IKZF1: variants seen among roughly 807,000 people sequenced by gnomAD.
The protein encoded by IKZF1 is DNA-binding protein Ikaros.
IKZF1 carries 10 observed loss-of-function variants against 51.7 expected under a neutral mutation model. The observed-to-expected ratio is 0.19, with a 90% confidence interval of 0.12 to 0.33. IKZF1 has a LOEUF of 0.33. Among genes scored for constraint, IKZF1 ranks in the 10% least tolerant of loss-of-function variants. The pLI is 1.00. For missense variants in IKZF1, 484 were observed against 707.5 expected, an observed-to-expected ratio of 0.68 and a Z score of 3.58; for synonymous variants, 280 against 282.3, an observed-to-expected ratio of 0.99 and a Z score of 0.08.
chr7:50,355,526 C>T (rs1009075401), intron 3 of IKZF1, among the ~76,000 whole-genome samples: 2 of 152,100 alleles, frequency 1.3e-5, no homozygotes, highest in African/African-American at 4.8e-5. Flanking sequence ...CACTGGGCTG[C>T]GTGCTAAGAG....
chr7:50,398,821 C>T (rs1397489867), intron 7 of IKZF1, among the ~76,000 whole-genome samples: 9 of 152,360 alleles, frequency 5.9e-5, no homozygotes, highest in African/African-American at 2.2e-4. Context: ...CAGAACACAG[C>T]CGCAGTCTTG....
At chr7:50,336,253 C>T (rs966580496) in intron 3 of IKZF1, among the ~76,000 whole-genome samples, 7 of 147,726 alleles carry the variant, frequency 4.7e-5, no homozygotes, top group South Asian at 4.3e-4. Flanking sequence ...CTGGCCCCGG[C>T]GGGGGCAGGG....
intron 3 of IKZF1, among the ~76,000 whole-genome samples, chr7:50,355,385 G>A (rs996523839): frequency 1.3e-5 from 2 of 152,204 alleles, no homozygotes; most frequent in East Asian, 3.8e-4. Flanking sequence ...TCATGTATAA[G>A]GATGGGTTGG....
rs1369804784 is a variant in IKZF1, at chr7:50,401,983, G to A, written c.*1356G>A. On this transcript the variant is annotated 3_prime_UTR_variant, in exon 8 of 8. Coordinates refer to ENST00000331340, the MANE Select transcript of IKZF1 (RefSeq NM_006060.6). The stretch of plus-strand genomic sequence containing the variant: ...ACAGGGCAATTGAGGGACTGAGCCA[G>A]ACCTTCGGAGAGTAATGCCACCAGA... 8.8e-6 allele frequency: 2 copies of A among 228,372 alleles called. No individual in the cohort carries two copies. The highest frequency in any genetic ancestry group is 4.4e-5 in the African/African-American group (2 of 45,056). 14.1% of individuals were successfully genotyped at this position (228,372 alleles called of 1,614,324 possible).
intron 3 of IKZF1, among the ~76,000 whole-genome samples, chr7:50,361,674 G>A (rs756402499): frequency 1.3e-5 from 2 of 152,132 alleles, no homozygotes; most frequent in Admixed American, 6.5e-5. Flanking sequence ...TCAAGAGATC[G>A]AGACCATCCT....
intron 2 of IKZF1, among the ~76,000 whole-genome samples, chr7:50,322,426 T>C (rs1290253032): frequency 6.6e-6 from 1 of 152,232 alleles, no homozygotes; most frequent in Non-Finnish European, 1.5e-5. Context: ...GGGTTATTTG[T>C]TCCTTGAGAT....
At chr7:50,384,291 A>G (rs967757399) in intron 5 of IKZF1, among the ~76,000 whole-genome samples, 2 of 152,214 alleles carry the variant, frequency 1.3e-5, no homozygotes, top group East Asian at 3.8e-4. Context: ...GGAGACAAAA[A>G]GGAGAGGAGT....
chr7:50,365,817 T>C (rs1481854677), intron 3 of IKZF1, among the ~76,000 whole-genome samples: 1 of 152,226 alleles, frequency 6.6e-6, no homozygotes, highest in African/African-American at 2.4e-5. Flanking sequence ...GTAAGACACA[T>C]GCACGCATTT....
chr7:50,361,798 C>T lies in IKZF1; in HGVS notation c.161-14735C>T, dbSNP rs1308257259. Among the ~76,000 whole-genome samples, 4 of 152,108 alleles carry T rather than the reference C, an allele frequency of 2.6e-5. No homozygotes were observed. The East Asian group carries it at 7.7e-4, about 29-fold the overall frequency. ...GGCTGAGGCAGGAGAATCACTTGAA[C>T]CCGGGAGGAGGAGGTTGCAGTGAGC... On this transcript the variant is annotated intron_variant, in intron 3 of 7. Transcript: ENST00000331340.
chr7:50,399,888 G>C, intron 7 of IKZF1, 30 bp from the exon 8 acceptor site: 2 of 1,589,850 alleles, frequency 1.3e-6, no homozygotes, highest in Non-Finnish European at 1.7e-6. Flanking sequence ...AGGTGGCCGC[G>C]CCCCACTCAC....
intron 3 of IKZF1, among the ~76,000 whole-genome samples, chr7:50,330,555 G>A (rs1225330405): frequency 6.6e-6 from 1 of 152,194 alleles, no homozygotes; most frequent in Non-Finnish European, 1.5e-5. Flanking sequence ...GGGAAGAGAG[G>A]GCTCTTCACA....
chr7:50,318,936 C>T, intron 1 of IKZF1, 112 bp from the exon 2 acceptor site: 1 of 664,162 alleles, frequency 1.5e-6, no homozygotes, highest in South Asian at 1.9e-5. Context: ...ATGCATTATT[C>T]TTGCTAGATA....
At chr7:50,391,990 G>T in intron 7 of IKZF1, 127 bp downstream of exon 7, 1 of 1,304,170 alleles carries the variant, frequency 7.7e-7, no homozygotes, top group Non-Finnish European at 1.0e-6. Context: ...AAATTGGTAA[G>T]CTTAACATTC....
intron 3 of IKZF1, among the ~76,000 whole-genome samples, chr7:50,370,877 A>G (rs1808459904): frequency 6.6e-6 from 1 of 152,204 alleles, no homozygotes; most frequent in African/African-American, 2.4e-5. Context: ...TATCTTTCCT[A>G]TCTTCAGGGA....
rs1488341832 is a variant in IKZF1 at position 50,400,603 on chromosome 7, G to A, written c.1536G>A (p.Gly512=). 1 of 1,611,336 alleles carries A rather than the reference G, an allele frequency of 6.2e-7. No homozygotes were observed. The highest frequency in any genetic ancestry group is 1.1e-5 in the South Asian group (1 of 91,082). ...AGTTCTCGTCGCACATAACGCGAGG[G>A]GAGCACCGCTTCCACATGAGCTAAA... The part of the protein sequence containing the change: ...RYEFSSHITR[G]EHRFHMS Residue 512 remains glycine, a synonymous_variant, in exon 8 of 8, where the codon GGG becomes GGA. Coordinates refer to ENST00000331340, the MANE Select transcript of IKZF1 (RefSeq NM_006060.6). The surrounding 1 kb of genome is among the most constrained non-coding windows in gnomAD (Gnocchi z 5.4).
Position 50,404,626 on chromosome 7 carries a change from G to A in IKZF1, c.*3999G>A, listed in dbSNP as rs62445866. Reference sequence around the variant, plus strand: ...GGCCAGCGCAGCAGTTCAGCACAACGTACCTCCCATCTACAACAGTGCTGG... The same window carrying A: ...GGCCAGCGCAGCAGTTCAGCACAACATACCTCCCATCTACAACAGTGCTGG... On this transcript the variant is annotated 3_prime_UTR_variant, in exon 8 of 8. Coordinates refer to ENST00000331340, the MANE Select transcript of IKZF1 (RefSeq NM_006060.6). 0.24 allele frequency: 55,268 copies of A among 229,144 alleles called. 7,092 individuals are homozygous for A. Among genetic ancestry groups the A allele is most frequent in the South Asian group, 0.28 (1,551 of 5,474 alleles). The allele number at this position is 229,144 out of a possible 1,614,324, so 14.2% of individuals were successfully genotyped here.
intron 3 of IKZF1, among the ~76,000 whole-genome samples, chr7:50,363,666 A>G (rs941094675): frequency 6.6e-6 from 1 of 152,218 alleles, no homozygotes; most frequent in Non-Finnish European, 1.5e-5. Flanking sequence ...TTCTCTTCCC[A>G]TGAGAAGACT....
Position 50,400,387 on chromosome 7 carries a change from C to G in IKZF1, c.1320C>G (p.Ala440=), listed in dbSNP as rs1817855915. The G allele has an allele frequency of 6.2e-7, 1 of 1,613,266 alleles. No homozygotes were observed. The part of the protein sequence containing the change: ...EEHRAYDLLR[A]ASENSQDALR... ...ACCGCGCCTACGACCTGCTGCGCGC[C>G]GCCTCCGAGAACTCGCAGGACGCGC... The change falls in exon 8 of 8, where the codon GCC becomes GCG. Residue 440 remains alanine, a synonymous_variant. Transcript: ENST00000331340. The surrounding 1 kb of genome is among the most constrained non-coding windows in gnomAD (Gnocchi z 5.4).
chr7:50,309,375 G>T (rs1789609380), intron 1 of IKZF1, among the ~76,000 whole-genome samples: 1 of 152,076 alleles, frequency 6.6e-6, no homozygotes, highest in Admixed American at 6.5e-5. Context: ...TTGTCTGTCT[G>T]GTCTTCCTTT....
Sources: gnomAD v4.1 joint callset for allele counts (sites outside exome capture counted in the v4.1 genomes callset) on GRCh38, gnomAD v4.1.1 for gene constraint, Gnocchi (gnomAD v3.1) non-coding constraint, MANE v1.5 for transcripts, NCBI Gene and HGNC (gene_info 2026-07-23, HGNC 2026-07-21) for gene names.